The following CAMTA1 variants were observed in gnomAD, a reference collection of about 807,000 sequenced individuals.
The protein encoded by CAMTA1 is calmodulin-binding transcription activator 1.
Under a neutral mutation model 170.9 loss-of-function variants are expected in CAMTA1, and 27 were observed. The observed-to-expected ratio is 0.16, with a 90% confidence interval of 0.12 to 0.22. The LOEUF is 0.22. CAMTA1 is among the 10% of genes least tolerant of loss of function. The pLI is 1.00. For missense variants in CAMTA1, 1,619 were observed against 2,217.2 expected (o/e 0.73, Z 5.42); for synonymous variants, 833 against 891.5 (o/e 0.93, Z 1.17).
intron 3 of CAMTA1, among the ~76,000 whole-genome samples, chr1:6,997,261 T>TTGTG (rs56747237): frequency 0.019 from 2,843 of 151,622 alleles, 46 homozygotes; most frequent in African/African-American, 0.037. Context: ...GTTTTTTGCT[T>TTGTG]TGTGTGTGTG....
chr1:7,107,174 C>A (rs1176739028), intron 4 of CAMTA1, among the ~76,000 whole-genome samples: 1 of 151,928 alleles, frequency 6.6e-6, no homozygotes, highest in Non-Finnish European at 1.5e-5. Flanking sequence ...GGCCCCTGAT[C>A]TAATTGGAAA....
chr1:6,848,345 G>A (rs970813760), intron 3 of CAMTA1, among the ~76,000 whole-genome samples: 4 of 152,142 alleles, frequency 2.6e-5, no homozygotes, highest in African/African-American at 9.7e-5. Context: ...TAAAGACAGA[G>A]TCTCCCTACA....
chr1:6,815,813 A>C (rs1645739260), intron 1 of CAMTA1, among the ~76,000 whole-genome samples: 1 of 152,314 alleles, frequency 6.6e-6, no homozygotes, highest in African/African-American at 2.4e-5. Context: ...GCAGAATCTC[A>C]GGTTCTCCCT....
At chr1:7,451,499 C>G (rs769351633) in intron 5 of CAMTA1, among the ~76,000 whole-genome samples, 2 of 152,176 alleles carry the variant, frequency 1.3e-5, no homozygotes, top group African/African-American at 2.4e-5. Context: ...CCAGGTCCCT[C>G]CTGAGCCACC....
chr1:7,331,375 C>A (rs1388870013), intron 5 of CAMTA1, among the ~76,000 whole-genome samples: 2 of 152,148 alleles, frequency 1.3e-5, no homozygotes, highest in African/African-American at 2.4e-5. Flanking sequence ...TCTCAGGACC[C>A]CTTTATACGC....
At chr1:7,110,716 G>A (rs1202793377) in intron 4 of CAMTA1, among the ~76,000 whole-genome samples, 3 of 152,210 alleles carry the variant, frequency 2.0e-5, no homozygotes, top group African/African-American at 7.2e-5. Flanking sequence ...ATCTCAGAGG[G>A]ATGGCGCTGC....
intron 6 of CAMTA1, among the ~76,000 whole-genome samples, chr1:7,556,289 G>C (rs1160028900): frequency 6.6e-6 from 1 of 152,136 alleles, no homozygotes; most frequent in Non-Finnish European, 1.5e-5. Context: ...GGGTGGGTTG[G>C]TCTGAAAGGT....
chr1:7,701,323 C>T (rs2096437229), intron 11 of CAMTA1, among the ~76,000 whole-genome samples: 1 of 152,212 alleles, frequency 6.6e-6, no homozygotes, highest in Non-Finnish European at 1.5e-5. Context: ...CTGAAATTCC[C>T]TTCTTCCTCC....
Position 7,738,359 on chromosome 1 carries a change from G to T in CAMTA1, c.4059G>T (p.Val1353=). Residue 1353 remains valine, a synonymous_variant, in exon 16 of 23, where the codon GTG becomes GTT. Coordinates refer to ENST00000303635, the MANE Select transcript of CAMTA1 (RefSeq NM_015215.4). The surrounding 1 kb of genome is among the most constrained non-coding windows in gnomAD (Gnocchi z 4.9). ...GAAAGGAGGCAGCACCTTCACAGGT[G>T]CGTCCACGGGAACCAATGAGTGTCC... ...SVGKEAAPSQ[V]RPREPMSVLM... The T allele has an allele frequency of 6.2e-7, 1 of 1,614,214 alleles. No individual in the cohort carries two copies. The highest frequency in any genetic ancestry group is 8.5e-7 in the Non-Finnish European group (1 of 1,180,034).
chr1:7,364,671 G>A (rs537888082), intron 5 of CAMTA1, among the ~76,000 whole-genome samples: 44 of 152,292 alleles, frequency 2.9e-4, no homozygotes, highest in African/African-American at 9.1e-4. Flanking sequence ...AGGGGATGTC[G>A]AAGGTGAGAG....
chr1:7,374,237 T>C (rs922753547), intron 5 of CAMTA1, among the ~76,000 whole-genome samples: 1 of 152,244 alleles, frequency 6.6e-6, no homozygotes, highest in African/African-American at 2.4e-5. Flanking sequence ...AGAGCCCTTA[T>C]TCAATACCAC....
At chr1:7,105,239 A>T (rs563605805) in intron 4 of CAMTA1, among the ~76,000 whole-genome samples, 3 of 152,380 alleles carry the variant, frequency 2.0e-5, no homozygotes, top group African/African-American at 7.2e-5. Flanking sequence ...TTCTTATGTC[A>T]TTAAATCTAG....
chr1:7,419,395 G>C (rs1192206677), intron 5 of CAMTA1, among the ~76,000 whole-genome samples: 2 of 152,140 alleles, frequency 1.3e-5, no homozygotes, highest in African/African-American at 4.8e-5. Context: ...GAACTCAAAT[G>C]ATCTGCCCAC....
chr1:7,253,292 TG>T (rs1025694586), intron 5 of CAMTA1, among the ~76,000 whole-genome samples: 2 of 152,126 alleles, frequency 1.3e-5, no homozygotes, highest in African/African-American at 4.8e-5. Context: ...TGCAGCTTTG[TG>T]GTCGGATGAG....
At position 7,562,661 on chromosome 1, in the gene CAMTA1, G is replaced by A. The variant is rs1388826032; in HGVS notation, c.511-77739G>A. On this transcript the variant is annotated intron_variant, in intron 6 of 22. Coordinates refer to ENST00000303635, the MANE Select transcript of CAMTA1 (RefSeq NM_015215.4). This position sits in a 1 kb window ranked among gnomAD's most constrained non-coding sequence, Gnocchi z 4.8. The stretch of plus-strand genomic sequence containing the variant: ...GTCCGAAGAGATACCCAAATTGTAC[G>A]CCACTGCTCAGATGGTTTATCTGAC... Among the ~76,000 whole-genome samples, 12 of 152,166 alleles carry A rather than the reference G, an allele frequency of 7.9e-5. No individual in the cohort carries two copies. Among genetic ancestry groups the A allele is most frequent in the Admixed American group, 3.9e-4 (6 of 15,282 alleles).
chr1:7,136,741 C>T (rs1645566647), intron 4 of CAMTA1, among the ~76,000 whole-genome samples: 2 of 152,144 alleles, frequency 1.3e-5, no homozygotes, highest in South Asian at 2.1e-4. Flanking sequence ...TCTTACTGGT[C>T]GATGAGTGGC....
In CAMTA1 at chr1:7,113,299, T is replaced by C. The variant is rs1573164367; in HGVS notation, c.302+21928T>C. ...GTGGGCTGGTCACTGCCATGTGGGC[T>C]TGGGTTGGCCTTCCCGTATGTTTGC... On this transcript the variant is annotated intron_variant, in intron 4 of 22. Coordinates refer to ENST00000303635, the MANE Select transcript of CAMTA1 (RefSeq NM_015215.4). This position sits in a 1 kb window ranked among gnomAD's most constrained non-coding sequence, Gnocchi z 4.5. Among the ~76,000 whole-genome samples the C allele has an allele frequency of 2.0e-5, 3 of 152,360 alleles. No homozygotes were observed. The highest frequency in any genetic ancestry group is 3.9e-4 in the East Asian group (2 of 5,182).
chr1:7,310,675 T>C (rs1676473707), intron 5 of CAMTA1, among the ~76,000 whole-genome samples: 3 of 23,370 alleles, frequency 1.3e-4, no homozygotes, highest in African/African-American at 5.2e-4. Context: ...TTCTTTCCTT[T>C]CTTTCTCTCT....
intron 3 of CAMTA1, among the ~76,000 whole-genome samples, chr1:7,083,972 T>C (rs1015439864): frequency 3.3e-5 from 5 of 151,688 alleles, no homozygotes; most frequent in South Asian, 2.1e-4. Flanking sequence ...TTTTTTTTTT[T>C]CCCTTTATTC....
Sources: gnomAD v4.1 joint callset for allele counts (sites outside exome capture counted in the v4.1 genomes callset) on GRCh38, gnomAD v4.1.1 for gene constraint, Gnocchi (gnomAD v3.1) non-coding constraint, MANE v1.5 for transcripts, NCBI Gene and HGNC (gene_info 2026-07-23, HGNC 2026-07-21) for gene names.